Variants in CNTNAP5 observed in about 807,000 individuals in gnomAD.
CNTNAP5 encodes the protein contactin associated protein family member 5.
A neutral mutation model predicts 150.2 loss-of-function variants in CNTNAP5; 72 were observed. That is an observed-to-expected ratio of 0.48 (90% confidence interval 0.40 to 0.58). The LOEUF (loss-of-function observed/expected upper bound fraction) is 0.58. Ranked by LOEUF, CNTNAP5 falls within the 20% of genes least tolerant of loss-of-function variation. CNTNAP5 has a pLI of 0.00. For missense variants in CNTNAP5, 1,636 were observed against 1,626.2 expected (o/e 1.01, Z -0.10); for synonymous variants, 672 against 619.8 (o/e 1.08, Z -1.25).
At chr2:124,406,298 G>A (rs888392021) in intron 3 of CNTNAP5, among the ~76,000 whole-genome samples, 1 of 152,174 alleles carries the variant, frequency 6.6e-6, no homozygotes, top group Non-Finnish European at 1.5e-5. Context: ...TTGTTGAATG[G>A]AGTGTTACAT....
intron 1 of CNTNAP5, among the ~76,000 whole-genome samples, chr2:124,074,650 C>A (rs1003345682): frequency 6.6e-6 from 1 of 152,044 alleles, no homozygotes; most frequent in Non-Finnish European, 1.5e-5. Context: ...GGTATTGACT[C>A]CTAGACAGCA....
intron 13 of CNTNAP5, among the ~76,000 whole-genome samples, chr2:124,704,438 C>A (rs1268176005): frequency 1.3e-5 from 2 of 152,074 alleles, no homozygotes; most frequent in African/African-American, 4.8e-5. Context: ...TATCACTATT[C>A]CAGGAACATG....
chr2:124,123,764 G>A (rs1683622776), intron 1 of CNTNAP5, among the ~76,000 whole-genome samples: 1 of 152,192 alleles, frequency 6.6e-6, no homozygotes, highest in African/African-American at 2.4e-5. Flanking sequence ...CGGTTCTGCA[G>A]CCTCCGCTAG....
At chr2:124,691,288 C>A (rs1679295918) in intron 13 of CNTNAP5, among the ~76,000 whole-genome samples, 1 of 152,036 alleles carries the variant, frequency 6.6e-6, no homozygotes, top group South Asian at 2.1e-4. Context: ...CAGATCATTT[C>A]TTTATGGCCA....
chr2:124,550,344 C>T (rs1695599628), intron 10 of CNTNAP5, among the ~76,000 whole-genome samples: 1 of 152,166 alleles, frequency 6.6e-6, no homozygotes, highest in South Asian at 2.1e-4. Flanking sequence ...CAGCAGTTTT[C>T]TCATTCCCAT....
chr2:124,652,262 T>A (rs983383565), intron 13 of CNTNAP5, among the ~76,000 whole-genome samples: 12 of 152,312 alleles, frequency 7.9e-5, no homozygotes, highest in African/African-American at 2.9e-4. Context: ...TCACTCTGCT[T>A]GCTGCTTTCT....
At chr2:124,881,694 G>A (rs1677967859) in intron 21 of CNTNAP5, among the ~76,000 whole-genome samples, 1 of 152,076 alleles carries the variant, frequency 6.6e-6, no homozygotes, top group Non-Finnish European at 1.5e-5. Context: ...GCATGGGACA[G>A]ATCTCTCCCA....
At chr2:124,609,665 C>T in intron 11 of CNTNAP5, 136 bp from the exon 12 acceptor site, 2 of 889,798 alleles carry the variant, frequency 2.2e-6, no homozygotes, top group Non-Finnish European at 1.6e-6. Flanking sequence ...TGTGTTAAGG[C>T]TTGGGGAAAA....
intron 3 of CNTNAP5, among the ~76,000 whole-genome samples, chr2:124,411,146 C>A (rs1273420191): frequency 7.2e-5 from 11 of 152,110 alleles, no homozygotes; most frequent in Admixed American, 4.6e-4. Flanking sequence ...TGGATAAATT[C>A]CTGGACACAT....
In CNTNAP5 at chr2:124,821,375, G is replaced by A. The variant is rs1297268928; in HGVS notation, c.3217+23055G>A. 2.0e-4 allele frequency among the ~76,000 whole-genome samples: 31 copies of A among 152,194 alleles called. 1 individual carries two copies. Among genetic ancestry groups the A allele is most frequent in the Admixed American group, 2.0e-3 (31 of 15,278 alleles). On this transcript the variant is annotated intron_variant, in intron 19 of 23. Transcript: ENST00000682447. ...CTAAGGTAGCACTGCTCAAACGGCA[G>A]CAGGCACCAGAATCACCTGAAAGAC...
At chr2:124,109,245 C>A (rs2104704066) in intron 1 of CNTNAP5, among the ~76,000 whole-genome samples, 1 of 152,308 alleles carries the variant, frequency 6.6e-6, no homozygotes, top group Admixed American at 6.5e-5. Flanking sequence ...CAAACCCTTG[C>A]CTCACAGGTA....
chr2:124,214,357 A>T (rs1686099571), intron 1 of CNTNAP5, among the ~76,000 whole-genome samples: 1 of 152,218 alleles, frequency 6.6e-6, no homozygotes, highest in Non-Finnish European at 1.5e-5. Context: ...AGCCCTGGAC[A>T]GCACTAACCC....
intron 13 of CNTNAP5, among the ~76,000 whole-genome samples, chr2:124,722,339 C>T (rs971272483): frequency 6.6e-6 from 1 of 152,090 alleles, no homozygotes; most frequent in Admixed American, 6.6e-5. Context: ...ATTCATCCTG[C>T]TGCAGAATTT....
At chr2:124,713,318 C>CCTTCCTTTCTTTCTTTCTTTCTTT (rs1402534251) in intron 13 of CNTNAP5, among the ~76,000 whole-genome samples, 8 of 43,966 alleles carry the variant, frequency 1.8e-4, no homozygotes, top group Non-Finnish European at 1.8e-4. Context: ...CTCTTTCTTT[C>CCTTCCTTTCTTTCTTTCTTTCTTT]CTTTCTTTCT....
chr2:124,747,205 C>A, intron 13 of CNTNAP5, 24 bp from the exon 14 acceptor site: 1 of 1,607,746 alleles, frequency 6.2e-7, no homozygotes, highest in Non-Finnish European at 8.5e-7. Context: ...CCTACCCTGA[C>A]TGGTGGAATA....
rs894046503 is a variant in CNTNAP5 at position 124,415,863 on chromosome 2, T to TA, written c.382-1573dup. Reference sequence around the variant, plus strand: ...TTTTGCTACGTATATTTACTCCAATTAAAAAAATATATTAGGTGTGAGCCT... The same window carrying TA: ...TTTTGCTACGTATATTTACTCCAATTAAAAAAAATATATTAGGTGTGAGCCT... On this transcript the variant is annotated intron_variant, in intron 3 of 23. Coordinates refer to ENST00000682447, the MANE Select transcript of CNTNAP5 (RefSeq NM_001367498.1). Among the ~76,000 whole-genome samples the TA allele has an allele frequency of 2.3e-4, 35 of 152,168 alleles. No homozygotes were observed. In the East Asian group the frequency reaches 5.0e-3, roughly 22 times the overall value.
chr2:124,214,119 C>A (rs756797425), intron 1 of CNTNAP5, among the ~76,000 whole-genome samples: 4 of 152,056 alleles, frequency 2.6e-5, no homozygotes, highest in African/African-American at 4.8e-5. Flanking sequence ...GATGGTCTCC[C>A]CGTTGCAGCT....
intron 14 of CNTNAP5, among the ~76,000 whole-genome samples, chr2:124,762,369 A>G (rs1393880554): frequency 1.3e-5 from 2 of 152,098 alleles, no homozygotes; most frequent in East Asian, 3.9e-4. Context: ...AAATCTGAAA[A>G]TTTAATTTTC....
intron 13 of CNTNAP5, among the ~76,000 whole-genome samples, chr2:124,652,379 G>A (rs935069016): frequency 5.9e-5 from 9 of 152,102 alleles, no homozygotes; most frequent in Non-Finnish European, 1.3e-4. Flanking sequence ...ACAGTACCTT[G>A]TCACAGGGAA....
Sources: gnomAD v4.1 joint callset for allele counts (sites outside exome capture counted in the v4.1 genomes callset) on GRCh38, gnomAD v4.1.1 for gene constraint, MANE v1.5 for transcripts, NCBI Gene and HGNC (gene_info 2026-07-23, HGNC 2026-07-21) for gene names.